C7: variants seen among roughly 807,000 people sequenced by gnomAD.
The protein encoded by C7 is complement component C7.
C7 carries 83 observed loss-of-function variants against 104.8 expected under a neutral mutation model. The observed-to-expected ratio is 0.79, with a 90% CI of 0.66 to 0.95. The LOEUF (loss-of-function observed/expected upper bound fraction) is 0.95. Ranked by LOEUF, C7 falls within the 40% of genes least tolerant of loss-of-function variation. C7 has a pLI of 0.00. For missense variants in C7, 1,070 were observed against 1,011.2 expected (o/e 1.06, Z -0.79); for synonymous variants, 415 against 360.6 (o/e 1.15, Z -1.71).
At chr5:40,910,806 C>CA (rs569169059) in intron 1 of C7, among the ~76,000 whole-genome samples, 2,471 of 128,404 alleles carry the variant, frequency 0.019, 32 homozygotes, top group Non-Finnish European at 0.031. Flanking sequence ...AAAAAAAAAA[C>CA]AAAAAAAAAA....
rs974025159 is a variant in C7, at chr5:40,964,802, C to G, written c.1811C>G (p.Ser604Cys). The change falls in exon 14 of 18, where the codon TCT (serine) becomes TGT (cysteine). Residue 604 changes from serine to cysteine, a missense_variant. Coordinates refer to ENST00000313164, the MANE Select transcript of C7 (RefSeq NM_000587.4). ...NVVYTCNEGYSLIGNPVARCG... is the reference protein window; with the variant it reads ...NVVYTCNEGYCLIGNPVARCG... Reference sequence around the variant, plus strand: ...GTGTACACTTGCAATGAAGGATACTCTCTTATTGGAAACCCAGTGGCCAGA... The same window carrying G: ...GTGTACACTTGCAATGAAGGATACTGTCTTATTGGAAACCCAGTGGCCAGA... The G allele has an allele frequency of 1.9e-6, 3 of 1,613,392 alleles. No individual in the cohort carries two copies. The highest frequency in any genetic ancestry group is 2.5e-6 in the Non-Finnish European group (3 of 1,179,522).
intron 1 of C7, among the ~76,000 whole-genome samples, chr5:40,924,525 C>T (rs1197874354): frequency 1.3e-5 from 2 of 152,220 alleles, no homozygotes; most frequent in Non-Finnish European, 2.9e-5. Flanking sequence ...CTAGGCAGTA[C>T]TCCAGTGGGG....
At chr5:40,924,373 G>A (rs532216847) in intron 1 of C7, among the ~76,000 whole-genome samples, 4 of 152,288 alleles carry the variant, frequency 2.6e-5, no homozygotes, top group African/African-American at 9.6e-5. Context: ...TTACTTCTTT[G>A]GCTTTGCAGG....
intron 14 of C7, among the ~76,000 whole-genome samples, chr5:40,968,415 C>T (rs575684778): frequency 4.0e-5 from 6 of 151,648 alleles, no homozygotes; most frequent in South Asian, 2.1e-4. Context: ...CATGAGCCAC[C>T]GCACCTGGCC....
intron 2 of C7, 28 bp from the exon 3 acceptor site, chr5:40,931,036 T>C (rs1286987413): frequency 6.6e-7 from 1 of 1,518,126 alleles, no homozygotes; most frequent in Admixed American, 1.7e-5. Context: ...CCACCTGCTT[T>C]ATGATGGACA....
intron 7 of C7, among the ~76,000 whole-genome samples, 152 bp from the exon 8 acceptor site, chr5:40,947,450 C>T (rs1334010750): frequency 6.6e-6 from 1 of 152,022 alleles, no homozygotes; most frequent in African/African-American, 2.4e-5. Flanking sequence ...TAAGTGGGCC[C>T]ATAAGAGTGC....
At chr5:40,927,544 G>T (rs1212015420) in intron 1 of C7, among the ~76,000 whole-genome samples, 1 of 151,880 alleles carries the variant, frequency 6.6e-6, no homozygotes, top group African/African-American at 2.4e-5. Context: ...CAACTCAATA[G>T]CAAGAAGACA....
intron 15 of C7, among the ~76,000 whole-genome samples, chr5:40,973,771 T>A (rs940489433): frequency 2.0e-5 from 3 of 152,208 alleles, no homozygotes; most frequent in Non-Finnish European, 4.4e-5. Flanking sequence ...GTTGATGAGG[T>A]TGCACTTTTG....
At chr5:40,927,488 T>A (rs563847869) in intron 1 of C7, among the ~76,000 whole-genome samples, 80 of 152,036 alleles carry the variant, frequency 5.3e-4, no homozygotes, top group African/African-American at 1.9e-3. Context: ...TTATAAGTCA[T>A]ACATTCAAGA....
At chr5:40,945,489 A>G (rs914253521) in intron 7 of C7, 121 bp downstream of exon 7, 2 of 625,128 alleles carry the variant, frequency 3.2e-6, no homozygotes, top group South Asian at 2.5e-5. Context: ...TAGTAATAGT[A>G]CTTCCTTTAA....
chr5:40,950,959 G>T (rs1394414421), intron 9 of C7, among the ~76,000 whole-genome samples: 1 of 152,116 alleles, frequency 6.6e-6, no homozygotes, highest in Non-Finnish European at 1.5e-5. Flanking sequence ...CATTCTGATG[G>T]CTATTGGGTT....
intron 12 of C7, among the ~76,000 whole-genome samples, chr5:40,960,935 A>T (rs1427884444): frequency 6.6e-6 from 1 of 152,142 alleles, no homozygotes; most frequent in Non-Finnish European, 1.5e-5. Context: ...TAGTGATGGT[A>T]AAGTGTCAGG....
At chr5:40,936,173 C>T (rs865800787) in intron 4 of C7, among the ~76,000 whole-genome samples, 165 bp from the exon 5 acceptor site, 2 of 152,100 alleles carry the variant, frequency 1.3e-5, no homozygotes, top group Non-Finnish European at 2.9e-5. Flanking sequence ...AAAATGGAGA[C>T]AAAATACTCA....
At chr5:40,952,176 T>C (rs752632136) in intron 9 of C7, among the ~76,000 whole-genome samples, 1 of 152,270 alleles carries the variant, frequency 6.6e-6, no homozygotes, top group Non-Finnish European at 1.5e-5. Context: ...GCCAGCACAA[T>C]TTTAAGTGAT....
chr5:40,928,089 G>A (rs1739597120), intron 1 of C7, among the ~76,000 whole-genome samples: 1 of 152,130 alleles, frequency 6.6e-6, no homozygotes, highest in Non-Finnish European at 1.5e-5. Flanking sequence ...TAAAAAGGAG[G>A]AAATTCTGTC....
At chr5:40,910,041 G>C (rs994267641) in intron 1 of C7, among the ~76,000 whole-genome samples, 4 of 143,540 alleles carry the variant, frequency 2.8e-5, no homozygotes, top group African/African-American at 1.0e-4. Context: ...ATTTATCTAA[G>C]AGCTAATAGA....
intron 10 of C7, among the ~76,000 whole-genome samples, chr5:40,956,467 C>CAGAGGAGTTATACTGTATTTTA (rs1252907417): frequency 6.6e-6 from 1 of 152,144 alleles, no homozygotes; most frequent in African/African-American, 2.4e-5. Context: ...TTTGTATATT[C>CAGAGGAGTTATACTGTATTTTA]CTATGTGGCT....
At chr5:40,980,483 A>G (rs971075) in intron 17 of C7, 105,723 of 152,100 alleles carry the variant, frequency 0.7, 37,185 homozygotes, top group South Asian at 0.85. Context: ...GAAGAGAATA[A>G]AAGAAGAAGT....
chr5:40,942,054 C>T lies in C7; in HGVS notation c.568-3144C>T, dbSNP rs373826942. Among the ~76,000 whole-genome samples the T allele has an allele frequency of 8.5e-5, 13 of 152,144 alleles. No individual in the cohort carries two copies. The East Asian group carries it at 1.7e-3, about 20-fold the overall frequency. On this transcript the variant is annotated intron_variant, in intron 6 of 17. Transcript: ENST00000313164. Reference sequence around the variant, plus strand: ...AGTAGGAGAGAGTGGTCAACAGTGCCGAATGATGTTGAGAGAAGTGTTCAC... The same window carrying T: ...AGTAGGAGAGAGTGGTCAACAGTGCTGAATGATGTTGAGAGAAGTGTTCAC...
Sources: allele counts gnomAD v4.1 joint callset (sites outside exome capture counted in the v4.1 genomes callset), GRCh38; gene constraint gnomAD v4.1.1; transcripts MANE v1.5; gene names NCBI Gene and HGNC (gene_info 2026-07-23, HGNC 2026-07-21).